The following NCAM2 variants were observed in gnomAD, a reference collection of about 807,000 sequenced individuals.
The protein encoded by NCAM2 is N-CAM-2.
NCAM2 carries 30 observed loss-of-function variants against 98.1 expected under a neutral mutation model. The observed-to-expected ratio is 0.31, with a 90% CI of 0.23 to 0.41. NCAM2 has a LOEUF of 0.41. Ranked by LOEUF, NCAM2 falls within the 10% of genes least tolerant of loss-of-function variation. NCAM2 has a pLI of 1.00. For missense variants in NCAM2, 867 were observed against 1,005.8 expected (o/e 0.86, Z 1.87); for synonymous variants, 368 against 342.4 (o/e 1.07, Z -0.83).
chr21:21,038,219 G>A (rs1189805742), intron 1 of NCAM2, among the ~76,000 whole-genome samples: 1 of 151,932 alleles, frequency 6.6e-6, no homozygotes, highest in East Asian at 1.9e-4. Flanking sequence ...TTCCACATAA[G>A]AATGATACAG....
intron 14 of NCAM2, among the ~76,000 whole-genome samples, chr21:21,476,887 G>C (rs2826857): frequency 0.029 from 4,339 of 151,532 alleles, 101 homozygotes; most frequent in Admixed American, 0.065. Flanking sequence ...TTTAACAATA[G>C]TCCCTGGCAA....
intron 12 of NCAM2, among the ~76,000 whole-genome samples, chr21:21,449,101 C>T (rs1569075206): frequency 6.6e-6 from 1 of 152,004 alleles, no homozygotes; most frequent in Non-Finnish European, 1.5e-5. Flanking sequence ...GACACAAATT[C>T]ATACATAATT....
chr21:21,020,706 A>G (rs2064416088), intron 1 of NCAM2, among the ~76,000 whole-genome samples: 1 of 152,146 alleles, frequency 6.6e-6, no homozygotes, highest in Non-Finnish European at 1.5e-5. Context: ...TTCGAGCTCT[A>G]GTGATACCCC....
At chr21:21,319,502 A>G (rs1451428840) in intron 5 of NCAM2, among the ~76,000 whole-genome samples, 4 of 152,112 alleles carry the variant, frequency 2.6e-5, no homozygotes, top group Non-Finnish European at 2.9e-5. Context: ...TTAGCTGGGC[A>G]TGATGGCGCG....
intron 11 of NCAM2, among the ~76,000 whole-genome samples, chr21:21,424,182 C>T (rs115971726): frequency 1.3e-5 from 2 of 152,140 alleles, no homozygotes; most frequent in Admixed American, 1.3e-4. Context: ...ATAATATATT[C>T]TTGGTTTTCT....
intron 1 of NCAM2, among the ~76,000 whole-genome samples, chr21:21,050,411 G>T (rs1398104336): frequency 6.6e-6 from 1 of 152,162 alleles, no homozygotes; most frequent in African/African-American, 2.4e-5. Flanking sequence ...GGTAAGTCAG[G>T]TGCCACCATT....
chr21:21,380,770 A>C (rs775190477), intron 9 of NCAM2, among the ~76,000 whole-genome samples: 15 of 152,288 alleles, frequency 9.8e-5, no homozygotes, highest in Non-Finnish European at 2.1e-4. Context: ...TCTCATGTCA[A>C]CATCTTTACC....
chr21:21,209,373 G>T (rs2069561202), intron 1 of NCAM2, among the ~76,000 whole-genome samples: 1 of 152,132 alleles, frequency 6.6e-6, no homozygotes, highest in African/African-American at 2.4e-5. Context: ...ACAACACAAT[G>T]CCCAGTTAAT....
At chr21:21,512,252 T>C (rs1988434776) in intron 16 of NCAM2, among the ~76,000 whole-genome samples, 1 of 152,020 alleles carries the variant, frequency 6.6e-6, no homozygotes, top group South Asian at 2.1e-4. Context: ...ATTATTCTGT[T>C]TTGATTTGTT....
chr21:21,497,705 T>A (rs1385736057), intron 15 of NCAM2, among the ~76,000 whole-genome samples: 3 of 152,130 alleles, frequency 2.0e-5, no homozygotes, highest in Non-Finnish European at 2.9e-5. Flanking sequence ...GGGAAATACA[T>A]ACATCTACCC....
chr21:21,303,854 G>A (rs1474928680), intron 5 of NCAM2, among the ~76,000 whole-genome samples: 2 of 152,108 alleles, frequency 1.3e-5, no homozygotes, highest in Admixed American at 6.6e-5. Context: ...GATTTAATTT[G>A]CATTTCCCTA....
intron 15 of NCAM2, among the ~76,000 whole-genome samples, chr21:21,486,690 G>A (rs1004749163): frequency 6.6e-6 from 1 of 152,040 alleles, no homozygotes; most frequent in Non-Finnish European, 1.5e-5. Flanking sequence ...TGGAGATCAC[G>A]GAATACTTAT....
chr21:21,507,667 G>A (rs550199010), intron 15 of NCAM2, among the ~76,000 whole-genome samples: 1 of 151,634 alleles, frequency 6.6e-6, no homozygotes, highest in East Asian at 2.0e-4. Context: ...AGTGGCGCCT[G>A]TAGTCTCAGC....
intron 16 of NCAM2, among the ~76,000 whole-genome samples, chr21:21,528,071 C>T (rs1480944861): frequency 6.6e-6 from 1 of 152,014 alleles, no homozygotes; most frequent in Admixed American, 6.5e-5. Context: ...ATGATTATTA[C>T]TAAGTGAAAT....
intron 1 of NCAM2, among the ~76,000 whole-genome samples, chr21:21,206,692 G>T (rs1016314734): frequency 2.0e-5 from 3 of 151,982 alleles, no homozygotes; most frequent in African/African-American, 4.8e-5. Context: ...TTTCAATTTT[G>T]TCACAATTAG....
intron 1 of NCAM2, among the ~76,000 whole-genome samples, chr21:21,230,501 C>T (rs1309320397): frequency 6.6e-6 from 1 of 151,286 alleles, no homozygotes; most frequent in Non-Finnish European, 1.5e-5. Flanking sequence ...TTTCGATCAC[C>T]ATATGCTTTC....
intron 1 of NCAM2, among the ~76,000 whole-genome samples, chr21:21,278,361 TG>T (rs1274024168): frequency 6.6e-6 from 1 of 152,142 alleles, no homozygotes; most frequent in African/African-American, 2.4e-5. Flanking sequence ...TTGCCTCTGT[TG>T]ACCTCATTCC....
intron 1 of NCAM2, among the ~76,000 whole-genome samples, chr21:21,180,602 A>T (rs1471794322): frequency 6.6e-6 from 1 of 152,200 alleles, no homozygotes; most frequent in Admixed American, 6.5e-5. Context: ...GTTTCCAGAG[A>T]AGCAGACATT....
At chr21:21,039,832 C>G (rs904327500) in intron 1 of NCAM2, among the ~76,000 whole-genome samples, 21 of 152,146 alleles carry the variant, frequency 1.4e-4, no homozygotes, top group African/African-American at 4.6e-4. Context: ...CTTGTTGATA[C>G]CTAATCCTCA....
Sources: gnomAD v4.1 joint callset for allele counts (sites outside exome capture counted in the v4.1 genomes callset) on GRCh38, gnomAD v4.1.1 for gene constraint, MANE v1.5 for transcripts, NCBI Gene and HGNC (gene_info 2026-07-23, HGNC 2026-07-21) for gene names.